The following TEF variants were observed in gnomAD, a reference collection of about 807,000 sequenced individuals.
TEF encodes the protein TEF transcription factor, PAR bZIP family member.
A neutral mutation model predicts 20.8 loss-of-function variants in TEF; 3 were observed. That is an observed-to-expected ratio of 0.14 (90% confidence interval 0.07 to 0.37). The LOEUF (loss-of-function observed/expected upper bound fraction) is 0.37, where lower values mean the gene tolerates loss of function less well. Among genes scored for constraint, TEF ranks in the 10% least tolerant of loss-of-function variants. TEF has a pLI of 1.00. For missense variants in TEF, 296 were observed against 397.9 expected, an observed-to-expected ratio of 0.74 and a Z score of 2.18; for synonymous variants, 180 against 171.1, an observed-to-expected ratio of 1.05 and a Z score of -0.41.
chr22:41,378,650 T>G (rs1259682128), upstream of TEF, among the ~76,000 whole-genome samples: 1 of 151,900 alleles, frequency 6.6e-6, no homozygotes, highest in Non-Finnish European at 1.5e-5. Flanking sequence ...GGCTATATTC[T>G]TAATAGAGAC....
chr22:41,368,981 C>A, intron 1 of TEF: 1 of 862,946 alleles, frequency 1.2e-6, no homozygotes, highest in Non-Finnish European at 1.4e-6. Flanking sequence ...GTGGGCAGAG[C>A]TGAACACATT....
At chr22:41,367,682 C>A in intron 1 of TEF, 2 of 1,378,450 alleles carry the variant, frequency 1.5e-6, no homozygotes, top group Non-Finnish European at 9.9e-7. Flanking sequence ...AGTGGCAGGA[C>A]AGGCATCTCC....
chr22:41,386,988 G>T (rs533005639), intron 1 of TEF, among the ~76,000 whole-genome samples: 7 of 152,118 alleles, frequency 4.6e-5, no homozygotes, highest in Non-Finnish European at 4.4e-5. Flanking sequence ...AGGTTGCAGC[G>T]AGCCGAAATT....
upstream of TEF, among the ~76,000 whole-genome samples, chr22:41,378,250 C>A (rs1426870875): frequency 5.4e-5 from 8 of 147,550 alleles, no homozygotes; most frequent in Admixed American, 4.8e-4. Context: ...CTCACTGCAA[C>A]CTCCGCCTCC....
intron 1 of TEF, among the ~76,000 whole-genome samples, chr22:41,375,133 A>C (rs1193696505): frequency 6.6e-6 from 1 of 152,162 alleles, no homozygotes; most frequent in Non-Finnish European, 1.5e-5. Flanking sequence ...TTCTCTCTGG[A>C]AAGGGCACTC....
intron 1 of TEF, chr22:41,382,789 G>C (rs1024896140): frequency 1.7e-5 from 7 of 412,004 alleles, no homozygotes; most frequent in Admixed American, 1.3e-4. Flanking sequence ...GGGTGGGGGG[G>C]GTGTGGGCGA....
chr22:41,394,997 T>C (rs1455105853), intron 3 of TEF, among the ~76,000 whole-genome samples: 1 of 151,864 alleles, frequency 6.6e-6, no homozygotes, highest in African/African-American at 2.4e-5. Context: ...GATTTTTGTT[T>C]TGTTTGTTTT....
intron 2 of TEF, among the ~76,000 whole-genome samples, chr22:41,391,228 C>T (rs1002640014): frequency 1.3e-5 from 2 of 152,146 alleles, no homozygotes; most frequent in Admixed American, 6.6e-5. Context: ...TGTTCTATCT[C>T]AGGATAAAAG....
intron 1 of TEF, among the ~76,000 whole-genome samples, chr22:41,384,492 C>T (rs1027837104): frequency 1.3e-5 from 2 of 152,200 alleles, no homozygotes; most frequent in Admixed American, 6.5e-5. Context: ...TCAGTCTTTT[C>T]TGCTTATTCA....
intron 1 of TEF, among the ~76,000 whole-genome samples, chr22:41,371,844 T>C (rs1215240986): frequency 6.6e-6 from 1 of 152,046 alleles, no homozygotes; most frequent in East Asian, 1.9e-4. Context: ...ACAGCCCCAT[T>C]TCATAACAGG....
intron 1 of TEF, among the ~76,000 whole-genome samples, chr22:41,386,080 C>G (rs2037093888): frequency 6.6e-6 from 1 of 152,182 alleles, no homozygotes; most frequent in African/African-American, 2.4e-5. Flanking sequence ...TCGCCTGGGC[C>G]TCTCAAAGTA....
intron 1 of TEF, chr22:41,369,064 C>T (rs985570647): frequency 3.0e-6 from 3 of 984,528 alleles, no homozygotes; most frequent in African/African-American, 3.5e-5. Context: ...CCTCCTGGCT[C>T]CCCCAAGGTG....
chr22:41,368,169 T>G (rs2036842866), intron 1 of TEF, among the ~76,000 whole-genome samples: 1 of 152,116 alleles, frequency 6.6e-6, no homozygotes, highest in Non-Finnish European at 1.5e-5. Context: ...GGGCGTGGAC[T>G]GAGGGGCAGA....
intron 3 of TEF, 96 bp downstream of exon 3, chr22:41,394,412 C>A: frequency 8.7e-7 from 1 of 1,147,262 alleles, no homozygotes; most frequent in Non-Finnish European, 1.2e-6. Flanking sequence ...AGAGCCTTCC[C>A]TCCTTGTGAC....
chr22:41,381,428 G>C (rs1386414460), upstream of TEF, among the ~76,000 whole-genome samples: 2 of 151,954 alleles, frequency 1.3e-5, no homozygotes, highest in African/African-American at 4.8e-5. Context: ...GACCAGACTC[G>C]GCTGCGGCTC....
Position 41,397,113 on chromosome 22 carries a change from C to A in TEF, c.*1153C>A, listed in dbSNP as rs1372415293. The A allele has an allele frequency of 2.5e-6, 1 of 398,698 alleles. No individual in the cohort carries two copies. Among genetic ancestry groups the A allele is most frequent in the East Asian group, 3.6e-5 (1 of 28,078 alleles). 24.7% of individuals were successfully genotyped at this position (398,698 alleles called of 1,614,324 possible). A position where few individuals can be genotyped will look rare whatever the true frequency, so the allele number is the denominator to read the frequency against. ...CCCGGAGGGTGTCAGCAGGGCAAGA[C>A]ACCTAGTCTAGAGTCACCAAGGTCA... On this transcript the variant is annotated 3_prime_UTR_variant, in exon 4 of 4. Transcript: ENST00000266304.
intron 2 of TEF, among the ~76,000 whole-genome samples, chr22:41,391,982 A>C (rs1251362355): frequency 6.6e-6 from 1 of 152,190 alleles, no homozygotes; most frequent in Admixed American, 6.5e-5. Flanking sequence ...CCCCACTAGA[A>C]TAACATTTCA....
In TEF at chr22:41,395,991, C is replaced by T. The variant is rs1172837789; in HGVS notation, c.*31C>T. ...GCCCCCCGCCCGGGCGGGGTACTGCCTGCACCTCAGACCTCTGCCTGGGGG... is the reference window on the plus strand; with the variant it reads ...GCCCCCCGCCCGGGCGGGGTACTGCTTGCACCTCAGACCTCTGCCTGGGGG... On this transcript the variant is annotated 3_prime_UTR_variant, in exon 4 of 4. Coordinates refer to ENST00000266304, the MANE Select transcript of TEF (RefSeq NM_003216.4). 3.1e-6 allele frequency: 5 copies of T among 1,596,960 alleles called. No individual in the cohort carries two copies. The highest frequency in any genetic ancestry group is 2.2e-5 in the East Asian group (1 of 44,482).
chr22:41,368,353 C>G (rs1447770583), intron 1 of TEF, among the ~76,000 whole-genome samples: 1 of 152,174 alleles, frequency 6.6e-6, no homozygotes, highest in African/African-American at 2.4e-5. Flanking sequence ...AGGGGCCCAG[C>G]TGGCTTTTGC....
Sources: allele counts gnomAD v4.1 joint callset (sites outside exome capture counted in the v4.1 genomes callset), GRCh38; gene constraint gnomAD v4.1.1; transcripts MANE v1.5; gene names NCBI Gene and HGNC (gene_info 2026-07-23, HGNC 2026-07-21).